The following ST8SIA3 variants were observed in gnomAD, a reference collection of about 807,000 sequenced individuals.
ST8SIA3 encodes alpha-N-acetylneuraminate alpha-2,8-sialyltransferase ST8SIA3.
A neutral mutation model predicts 34.5 loss-of-function variants in ST8SIA3; 17 were observed. The ratio of observed to expected loss-of-function variants is 0.49; its 90% CI spans 0.34 to 0.74. The LOEUF is 0.74. Among genes scored for constraint, ST8SIA3 ranks in the 30% least tolerant of loss-of-function variants. ST8SIA3 has a pLI of 0.01. For synonymous variants in ST8SIA3, 172 were observed against 176.1 expected (o/e 0.98, Z 0.19); for missense variants, 354 against 467.8 (o/e 0.76, Z 2.24).
rs1421972302 is a variant in ST8SIA3, at chr18:57,360,197, C to T, written c.1063C>T (p.Gln355Ter). ...TACCACCAAGTGGCAGGAGTCCCAC[C>T]AGCTGCCTGCTGAGTTTCAGCTGCT... ...KFTTKWQESH[Q>*]LPAEFQLLYR... The change falls in exon 4 of 4, where the codon CAG becomes TAG. Residue 355 changes from glutamine to a stop codon, truncating the protein, a stop_gained. Coordinates refer to ENST00000324000, the MANE Select transcript of ST8SIA3 (RefSeq NM_015879.3). LOFTEE classifies it high-confidence loss of function. The T allele has an allele frequency of 6.2e-7, 1 of 1,614,048 alleles. No individual in the cohort carries two copies. The highest frequency in any genetic ancestry group is 8.5e-7 in the Non-Finnish European group (1 of 1,180,034).
At chr18:57,354,591 A>G in intron 2 of ST8SIA3, 67 bp downstream of exon 2, 1 of 1,581,090 alleles carries the variant, frequency 6.3e-7, no homozygotes, top group Non-Finnish European at 8.6e-7. Context: ...AAAACAAAAC[A>G]AAAACAAGCA....
intron 2 of ST8SIA3, among the ~76,000 whole-genome samples, 187 bp from the exon 3 acceptor site, chr18:57,356,726 T>G (rs575786822): frequency 1.3e-5 from 2 of 152,320 alleles, no homozygotes; most frequent in East Asian, 1.9e-4. Flanking sequence ...AGAAATTGAC[T>G]GAAAGATTAG....
rs966370825 is a variant in ST8SIA3, at chr18:57,365,819, C to A, written c.*5542C>A. On this transcript the variant is annotated 3_prime_UTR_variant, in exon 4 of 4. Transcript: ENST00000324000. ...ATAATGTGCCACCGTCCTAATGAAG[C>A]TTTGGCCAGACTTCTTTCTATAGCT... The A allele has an allele frequency of 3.9e-5, 6 of 152,220 alleles. No individual in the cohort carries two copies. The highest frequency in any genetic ancestry group is 1.4e-4 in the African/African-American group (6 of 41,454). 9.4% of individuals were successfully genotyped at this position (152,220 alleles called of 1,614,324 possible).
intron 3 of ST8SIA3, 144 bp from the exon 4 acceptor site, chr18:57,359,851 T>C: frequency 5.7e-6 from 4 of 695,946 alleles, no homozygotes; most frequent in Non-Finnish European, 9.4e-6. Flanking sequence ...CAGAAGTTGT[T>C]TTTGGTTGCC....
rs745321385 is a variant in ST8SIA3, at chr18:57,368,450, C to A, written c.*8173C>A. ...TAAATGCTTCTTATATTGTTAATAC[C>A]GTGATTCCCTGCCCGCTCACCCCGT... On this transcript the variant is annotated 3_prime_UTR_variant, in exon 4 of 4. Coordinates refer to ENST00000324000, the MANE Select transcript of ST8SIA3 (RefSeq NM_015879.3). 6.6e-6 allele frequency: 1 copy of A among 152,102 alleles called. No individual in the cohort carries two copies. The highest frequency in any genetic ancestry group is 2.4e-5 in the African/African-American group (1 of 41,408). The allele number at this position is 152,102 out of a possible 1,614,324, so 9.4% of individuals were successfully genotyped here.
chr18:57,364,286 G>A lies in ST8SIA3; in HGVS notation c.*4009G>A, dbSNP rs2049848073. 1 of 152,128 alleles carries A rather than the reference G, an allele frequency of 6.6e-6. No individual in the cohort carries two copies. Among genetic ancestry groups the A allele is most frequent in the South Asian group, 2.1e-4 (1 of 4,830 alleles). 9.4% of individuals were successfully genotyped at this position (152,128 alleles called of 1,614,324 possible). ...TACATGCATAATTTAGAAGTTGAAG[G>A]CTGAAAATTGTTGTGTTCTTCTCCA... is the stretch of plus-strand genomic sequence containing the variant. On this transcript the variant is annotated 3_prime_UTR_variant, in exon 4 of 4. Transcript: ENST00000324000.
rs1157816058 is a variant in ST8SIA3, at chr18:57,365,914, TCAGA to T, written c.*5641_*5644del. 1 of 152,220 alleles carries T rather than the reference TCAGA, an allele frequency of 6.6e-6. No homozygotes were observed. Among genetic ancestry groups the T allele is most frequent in the Non-Finnish European group, 1.5e-5 (1 of 68,044 alleles). The allele number at this position is 152,220 out of a possible 1,614,324, so 9.4% of individuals were successfully genotyped here. A position where few individuals can be genotyped will look rare whatever the true frequency, so the allele number is the denominator to read the frequency against. On this transcript the variant is annotated 3_prime_UTR_variant, in exon 4 of 4. Coordinates refer to ENST00000324000, the MANE Select transcript of ST8SIA3 (RefSeq NM_015879.3). ...CTTTGATTTTCCTTCTGTGTGATTC[TCAGA>T]CAGTTTTAGCTCTTTGGTGTGCTGC...
chr18:57,355,967 G>A (rs1038167076), intron 2 of ST8SIA3, among the ~76,000 whole-genome samples: 11 of 152,134 alleles, frequency 7.2e-5, no homozygotes, highest in Admixed American at 2.0e-4. Flanking sequence ...TCCAAGCAAC[G>A]GATGATGTGC....
intron 2 of ST8SIA3, among the ~76,000 whole-genome samples, chr18:57,355,889 G>C (rs987732203): frequency 5.3e-5 from 8 of 152,104 alleles, no homozygotes; most frequent in Non-Finnish European, 7.4e-5. Context: ...TGGTAACTTG[G>C]GGAGTTTCAA....
intron 3 of ST8SIA3, among the ~76,000 whole-genome samples, chr18:57,358,054 G>A (rs977149520): frequency 2.0e-4 from 31 of 152,262 alleles, no homozygotes; most frequent in African/African-American, 7.2e-4. Flanking sequence ...TTTTCTTCTA[G>A]TCTGGTGATT....
Position 57,368,158 on chromosome 18 carries a change from G to T in ST8SIA3, c.*7881G>T, listed in dbSNP as rs1251927823. ...CACTGATTCTGCTACACCACACTGT[G>T]CTGCTTCCATTAGTTAGATGGACAT... On this transcript the variant is annotated 3_prime_UTR_variant, in exon 4 of 4. Coordinates refer to ENST00000324000, the MANE Select transcript of ST8SIA3 (RefSeq NM_015879.3). 6.6e-6 allele frequency: 1 copy of T among 152,208 alleles called. No homozygotes were observed. Among genetic ancestry groups the T allele is most frequent in the Non-Finnish European group, 1.5e-5 (1 of 68,034 alleles). 9.4% of individuals were successfully genotyped at this position (152,208 alleles called of 1,614,324 possible). A position where few individuals can be genotyped will look rare whatever the true frequency, so the allele number is the denominator to read the frequency against.
chr18:57,359,137 A>G (rs965996174), intron 3 of ST8SIA3, among the ~76,000 whole-genome samples: 6 of 152,200 alleles, frequency 3.9e-5, no homozygotes, highest in African/African-American at 1.4e-4. Context: ...GGAAGGAAAT[A>G]CAGTCCACAG....
chr18:57,353,127 CTT>C, intron 1 of ST8SIA3, 102 bp downstream of exon 1: 1 of 1,194,364 alleles, frequency 8.4e-7, no homozygotes, highest in Non-Finnish European at 1.2e-6. Flanking sequence ...CTCCGAGACT[CTT>C]TGGGCCAGAT....
chr18:57,354,932 C>CT (rs1276242579), intron 2 of ST8SIA3, among the ~76,000 whole-genome samples: 2 of 151,416 alleles, frequency 1.3e-5, no homozygotes, highest in Admixed American at 6.6e-5. Context: ...CTGAAAAAAA[C>CT]TTGAAAAATA....
intron 3 of ST8SIA3, 109 bp from the exon 4 acceptor site, chr18:57,359,886 C>A: frequency 1.1e-6 from 1 of 921,264 alleles, no homozygotes; most frequent in South Asian, 1.9e-5. Context: ...AAAACAAGCA[C>A]TATTTAAGTT....
Position 57,360,065 on chromosome 18 carries a change from G to A in ST8SIA3, c.931G>A (p.Ala311Thr), listed in dbSNP as rs2144206250. ...TGILMYTLAS[A>T]ICEEIHLYGF... The stretch of plus-strand genomic sequence containing the variant: ...TATTCTTATGTACACCCTTGCATCA[G>A]CAATATGTGAAGAGATCCACTTGTA... The change falls in exon 4 of 4, where the codon GCA becomes ACA. Residue 311 changes from alanine to threonine, a missense_variant. Transcript: ENST00000324000. 6.2e-7 allele frequency: 1 copy of A among 1,614,118 alleles called. No homozygotes were observed. The highest frequency in any genetic ancestry group is 2.2e-5 in the East Asian group (1 of 44,888).
chr18:57,352,681 C>A lies in ST8SIA3; in HGVS notation c.-166C>A. 1 of 250,326 alleles carries A rather than the reference C, an allele frequency of 4.0e-6. No homozygotes were observed. The highest frequency in any genetic ancestry group is 3.3e-5 in the South Asian group (1 of 30,680). The allele number at this position is 250,326 out of a possible 1,614,324, so 15.5% of individuals were successfully genotyped here. A position where few individuals can be genotyped will look rare whatever the true frequency, so the allele number is the denominator to read the frequency against. On this transcript the variant is annotated 5_prime_UTR_variant, in exon 1 of 4. Transcript: ENST00000324000. ...CAGCCCCAACCCCCGGCCCCGGTGG[C>A]CTCCCCCCACCCCCGCCCGGGTCCC...
intron 3 of ST8SIA3, 25 bp from the exon 4 acceptor site, chr18:57,359,970 T>C (rs772039514): frequency 6.3e-7 from 1 of 1,599,066 alleles, no homozygotes; most frequent in South Asian, 1.1e-5. Context: ...GACCTCTGAA[T>C]CCAAATGTAC....
chr18:57,359,977 G>T lies in ST8SIA3; in HGVS notation c.861-18G>T. 6.2e-7 allele frequency: 1 copy of T among 1,604,968 alleles called. No individual in the cohort carries two copies. The highest frequency in any genetic ancestry group is 1.1e-5 in the South Asian group (1 of 90,558). ...TCAACGCTGACCTCTGAATCCAAAT[G>T]TACTTATTGTTCCACAGGTACTGGA... On this transcript the variant is annotated intron_variant, in intron 3 of 3. Coordinates refer to ENST00000324000, the MANE Select transcript of ST8SIA3 (RefSeq NM_015879.3).
Sources: gnomAD v4.1 joint callset for allele counts (sites outside exome capture counted in the v4.1 genomes callset) on GRCh38, gnomAD v4.1.1 for gene constraint, MANE v1.5 for transcripts, NCBI Gene and HGNC (gene_info 2026-07-23, HGNC 2026-07-21) for gene names.